Variants in EYS observed in about 807,000 individuals in gnomAD.
EYS encodes EGF-like photoreceptor maintenance factor.
In EYS, 250 loss-of-function variants were observed where a neutral mutation model predicts 282.1. That is an observed-to-expected ratio of 0.89 (90% CI 0.80 to 0.98). EYS has a LOEUF of 0.98. Ranked by LOEUF, EYS falls within the 50% of genes least tolerant of loss-of-function variation. The pLI is 0.00. For synonymous variants in EYS, 1,355 were observed against 1,282.9 expected, an observed-to-expected ratio of 1.06 and a Z score of -1.20; for missense variants, 4,016 against 3,709.0, an observed-to-expected ratio of 1.08 and a Z score of -2.15.
At chr6:65,007,273 T>C (rs1329853102) in intron 13 of EYS, among the ~76,000 whole-genome samples, 1 of 152,168 alleles carries the variant, frequency 6.6e-6, no homozygotes, top group African/African-American at 2.4e-5. Context: ...CTGGCATCCC[T>C]ATGTCCTTTT....
rs531672199 is a variant in EYS, at chr6:65,332,441, T to TAATA, written c.1766+2535_1766+2538dup. ...TTCTGTGAATTAATTTGGGAAGAATTAATATTTTAGCTAACTTAAGGCCTA... is the reference window on the plus strand; with the variant it reads ...TTCTGTGAATTAATTTGGGAAGAATTAATAAATATTTTAGCTAACTTAAGGCCTA... On this transcript the variant is annotated intron_variant, in intron 11 of 42. Transcript: ENST00000503581. 87 of 1,381,616 alleles carry TAATA rather than the reference T, an allele frequency of 6.3e-5. 1 individual carries two copies. In the African/African-American group the frequency reaches 1.2e-3, roughly 20 times the overall value. The allele number at this position is 1,381,616 out of a possible 1,614,324, so 85.6% of individuals were successfully genotyped here.
At chr6:65,338,265 G>GT (rs1770064359) in intron 10 of EYS, among the ~76,000 whole-genome samples, 1 of 148,590 alleles carries the variant, frequency 6.7e-6, no homozygotes, top group Non-Finnish European at 1.5e-5. Flanking sequence ...TAGAATTTTG[G>GT]TTTTCTATAA....
intron 31 of EYS, among the ~76,000 whole-genome samples, chr6:64,120,615 A>G (rs1311010508): frequency 6.7e-6 from 1 of 149,562 alleles, no homozygotes; most frequent in Admixed American, 6.6e-5. Context: ...CTGAATATAA[A>G]TTGTTATTTT....
At chr6:64,334,856 A>G (rs1009227089) in intron 29 of EYS, among the ~76,000 whole-genome samples, 4 of 151,724 alleles carry the variant, frequency 2.6e-5, no homozygotes, top group African/African-American at 9.7e-5. Flanking sequence ...TCTGGCTGGA[A>G]CCCAAGTTCA....
At chr6:64,010,018 C>G (rs1768533353) in intron 33 of EYS, among the ~76,000 whole-genome samples, 2 of 151,404 alleles carry the variant, frequency 1.3e-5, no homozygotes, top group South Asian at 4.2e-4. Context: ...GGGGCCAGTG[C>G]TCAGCTCAGC....
At chr6:65,171,611 C>A (rs570437368) in intron 12 of EYS, among the ~76,000 whole-genome samples, 172 of 151,310 alleles carry the variant, frequency 1.1e-3, no homozygotes, top group Non-Finnish European at 2.2e-3. Flanking sequence ...TAAAATGGAA[C>A]TGGTGATGAC....
intron 19 of EYS, among the ~76,000 whole-genome samples, chr6:64,869,752 ATTATAAAAGATC>A: frequency 6.6e-6 from 1 of 151,828 alleles, no homozygotes; most frequent in Middle Eastern, 3.4e-3. Flanking sequence ...GATAAAGCAG[ATTATAAAAGATC>A]TTGAGAATTA....
intron 19 of EYS, among the ~76,000 whole-genome samples, chr6:64,849,962 TTAG>T (rs1303114605): frequency 1.3e-5 from 2 of 152,040 alleles, no homozygotes; most frequent in Non-Finnish European, 2.9e-5. Flanking sequence ...TCTCATCATA[TTAG>T]TAGGTTTCAC....
intron 31 of EYS, among the ~76,000 whole-genome samples, chr6:64,162,510 G>C (rs1334496562): frequency 6.6e-6 from 1 of 152,008 alleles, no homozygotes; most frequent in Admixed American, 6.6e-5. Flanking sequence ...AAGGAATCTG[G>C]GATAATATCT....
At chr6:64,613,966 T>G (rs1399899940) in intron 24 of EYS, among the ~76,000 whole-genome samples, 1 of 152,112 alleles carries the variant, frequency 6.6e-6, no homozygotes, top group Non-Finnish European at 1.5e-5. Flanking sequence ...ACTCCAGCCC[T>G]GTGTAGATTT....
intron 33 of EYS, among the ~76,000 whole-genome samples, chr6:64,051,104 G>A (rs1770795344): frequency 6.6e-6 from 1 of 152,136 alleles, no homozygotes; most frequent in Non-Finnish European, 1.5e-5. Context: ...TCATGTTGTT[G>A]AAAATGGGTT....
chr6:64,794,473 C>T (rs1030234274), intron 22 of EYS, among the ~76,000 whole-genome samples: 1 of 152,140 alleles, frequency 6.6e-6, no homozygotes, highest in Non-Finnish European at 1.5e-5. Flanking sequence ...CCCCTTCTCT[C>T]ACTCTCTCTT....
chr6:65,702,910 A>G (rs576562079), intron 1 of EYS, among the ~76,000 whole-genome samples: 59 of 152,204 alleles, frequency 3.9e-4, no homozygotes, highest in Admixed American at 4.6e-4. Flanking sequence ...CTATGAAGGT[A>G]ATTTTTTAGA....
At chr6:63,866,304 C>A (rs868606962) in intron 35 of EYS, among the ~76,000 whole-genome samples, 25 of 152,152 alleles carry the variant, frequency 1.6e-4, no homozygotes, top group African/African-American at 5.8e-4. Context: ...AACTTTGCTT[C>A]CACTGACCTT....
chr6:64,567,724 C>T (rs1265629995), intron 26 of EYS, among the ~76,000 whole-genome samples: 1 of 152,082 alleles, frequency 6.6e-6, no homozygotes, highest in Non-Finnish European at 1.5e-5. Flanking sequence ...AAAATTATAA[C>T]ATATGGTAAG....
Position 65,287,936 on chromosome 6 carries a change from C to T in EYS, c.2023+7927G>A, listed in dbSNP as rs547090322. Among the ~76,000 whole-genome samples the T allele has an allele frequency of 9.9e-5, 15 of 151,236 alleles. No individual in the cohort carries two copies. The Admixed American group carries it at 9.9e-4, about 10-fold the overall frequency. On this transcript the variant is annotated intron_variant, in intron 12 of 42. Transcript: ENST00000503581. ...TATTTGGTTAGATTAGCCTTCGGTA[C>T]ACTCAAAGTCCAGGGATCAAAGTAG...
At chr6:64,470,746 C>T (rs554458866) in intron 26 of EYS, among the ~76,000 whole-genome samples, 1 of 151,986 alleles carries the variant, frequency 6.6e-6, no homozygotes, top group Non-Finnish European at 1.5e-5. Flanking sequence ...AATTTCCAAA[C>T]TTGAAGATAA....
At chr6:65,197,530 G>C (rs1156604554) in intron 12 of EYS, among the ~76,000 whole-genome samples, 1 of 152,032 alleles carries the variant, frequency 6.6e-6, no homozygotes, top group Non-Finnish European at 1.5e-5. Context: ...AGATCATGTT[G>C]GGCCTTATCA....
At chr6:64,989,694 A>T (rs990887226) in intron 14 of EYS, among the ~76,000 whole-genome samples, 1 of 145,238 alleles carries the variant, frequency 6.9e-6, no homozygotes, top group African/African-American at 2.5e-5. Flanking sequence ...TATATCTTAC[A>T]TATTTCTTAT....
Sources: allele counts gnomAD v4.1 joint callset (sites outside exome capture counted in the v4.1 genomes callset), GRCh38; gene constraint gnomAD v4.1.1; transcripts MANE v1.5; gene names NCBI Gene and HGNC (gene_info 2026-07-23, HGNC 2026-07-21).